Variants in KIAA1217 observed in about 807,000 individuals in gnomAD.
The protein encoded by KIAA1217 is KIAA1217.
Under a neutral mutation model 163.9 loss-of-function variants are expected in KIAA1217, and 88 were observed. The ratio of observed to expected loss-of-function variants is 0.54; its 90% CI spans 0.45 to 0.64. KIAA1217 has a LOEUF of 0.64. Ranked by LOEUF, KIAA1217 falls within the 30% of genes least tolerant of loss-of-function variation. The pLI is 0.00. For missense variants in KIAA1217, 2,372 were observed against 2,475.0 expected (o/e 0.96, Z 0.88); for synonymous variants, 903 against 923.1 (o/e 0.98, Z 0.39).
intron 3 of KIAA1217, among the ~76,000 whole-genome samples, chr10:24,412,643 C>G (rs2057894279): frequency 6.6e-6 from 1 of 152,194 alleles, no homozygotes; most frequent in African/African-American, 2.4e-5. Flanking sequence ...ACCTCACTGG[C>G]TGGTCCTCCT....
At chr10:24,017,223 T>C (rs772309752) in intron 2 of KIAA1217, among the ~76,000 whole-genome samples, 4 of 151,896 alleles carry the variant, frequency 2.6e-5, no homozygotes, top group Non-Finnish European at 4.4e-5. Context: ...TGGCTAACTT[T>C]AACATTTTAC....
chr10:24,221,815 A>C (rs1208527116), intron 2 of KIAA1217, among the ~76,000 whole-genome samples: 2 of 152,208 alleles, frequency 1.3e-5, no homozygotes, highest in East Asian at 1.9e-4. Flanking sequence ...CTAGAGGATC[A>C]GTTGAGGCCA....
chr10:24,341,357 A>G (rs1448469601), intron 2 of KIAA1217, among the ~76,000 whole-genome samples: 5 of 152,124 alleles, frequency 3.3e-5, no homozygotes, highest in African/African-American at 1.2e-4. Flanking sequence ...TTGTCAAGCC[A>G]AGATGATTCT....
intron 1 of KIAA1217, among the ~76,000 whole-genome samples, chr10:23,935,792 A>G (rs988482915): frequency 6.6e-6 from 1 of 152,244 alleles, no homozygotes; most frequent in African/African-American, 2.4e-5. Flanking sequence ...TAAAATAATT[A>G]ATTTTTCTTT....
chr10:24,289,352 G>A (rs2078869772), intron 2 of KIAA1217, among the ~76,000 whole-genome samples: 1 of 152,118 alleles, frequency 6.6e-6, no homozygotes, highest in South Asian at 2.1e-4. Context: ...TATAAGATGT[G>A]TGGGCCCTAC....
chr10:24,017,986 A>G (rs1847563726), intron 2 of KIAA1217, among the ~76,000 whole-genome samples: 1 of 152,120 alleles, frequency 6.6e-6, no homozygotes, highest in Non-Finnish European at 1.5e-5. Context: ...ATCTCCAACC[A>G]CAACTCTACC....
chr10:23,823,477 C>A (rs1417157644), intron 1 of KIAA1217, among the ~76,000 whole-genome samples: 2 of 152,180 alleles, frequency 1.3e-5, no homozygotes, highest in Admixed American at 1.3e-4. Context: ...AGGTCTCCAC[C>A]TTTAAGGGCT....
intron 16 of KIAA1217, among the ~76,000 whole-genome samples, chr10:24,535,549 C>A (rs948489469): frequency 6.6e-6 from 1 of 152,158 alleles, no homozygotes; most frequent in African/African-American, 2.4e-5. Context: ...CTGAGGTGGG[C>A]AGATTGCTTG....
chr10:24,160,353 T>C (rs1000185689), intron 2 of KIAA1217, among the ~76,000 whole-genome samples: 3 of 152,208 alleles, frequency 2.0e-5, no homozygotes, highest in Non-Finnish European at 4.4e-5. Context: ...AACCTAAGAA[T>C]GTGGCATATA....
In KIAA1217 at chr10:24,501,475, T is replaced by C; in HGVS notation, c.1931T>C (p.Met644Thr). The change falls in exon 9 of 21, where the codon ATG becomes ACG. Residue 644 changes from methionine to threonine, a missense_variant. By Grantham distance (81) the Met-to-Thr change is moderately conservative. Around this residue, in one of 3 missense-constraint regions of KIAA1217, gnomAD observed 1,431 missense variants for 1,470.3 expected, o/e 0.97. Coordinates refer to ENST00000376454, the MANE Select transcript of KIAA1217 (RefSeq NM_019590.5). The stretch of plus-strand genomic sequence containing the variant: ...CCTGTGGGCACCTCAGCCATCCACA[T>C]GAGCCTGCTTGAGATGAGGCGGAGC... ...PPPVGTSAIH[M>T]SLLEMRRSVA... 1 of 1,614,022 alleles carries C rather than the reference T, an allele frequency of 6.2e-7. No homozygotes were observed. Among genetic ancestry groups the C allele is most frequent in the Non-Finnish European group, 8.5e-7 (1 of 1,179,962 alleles).
At chr10:24,296,188 T>C (rs1256656499) in intron 2 of KIAA1217, among the ~76,000 whole-genome samples, 1 of 152,112 alleles carries the variant, frequency 6.6e-6, no homozygotes, top group Non-Finnish European at 1.5e-5. Context: ...ACTGCAGCCT[T>C]GACCTCCTGG....
intron 1 of KIAA1217, among the ~76,000 whole-genome samples, chr10:23,797,831 T>C (rs1239549637): frequency 6.6e-6 from 1 of 152,162 alleles, no homozygotes; most frequent in Non-Finnish European, 1.5e-5. Context: ...AGCCAAACCA[T>C]ATTATTCCAT....
chr10:24,104,878 T>A (rs533364996), intron 2 of KIAA1217, among the ~76,000 whole-genome samples: 4 of 152,334 alleles, frequency 2.6e-5, no homozygotes, highest in African/African-American at 4.8e-5. Flanking sequence ...ATGAAGGATG[T>A]CTTCTAAAGT....
At chr10:23,893,163 T>C (rs976986953) in intron 1 of KIAA1217, among the ~76,000 whole-genome samples, 1 of 152,068 alleles carries the variant, frequency 6.6e-6, no homozygotes, top group Non-Finnish European at 1.5e-5. Flanking sequence ...TTGTCACAAT[T>C]TCAGAGCCTG....
intron 1 of KIAA1217, among the ~76,000 whole-genome samples, chr10:23,697,651 C>T (rs1281135913): frequency 6.6e-6 from 1 of 151,554 alleles, no homozygotes; most frequent in Non-Finnish European, 1.5e-5. Flanking sequence ...GGGCAGATCG[C>T]TTGAGCTCTG....
chr10:23,884,074 G>T (rs1841070150), intron 1 of KIAA1217, among the ~76,000 whole-genome samples: 1 of 151,918 alleles, frequency 6.6e-6, no homozygotes, highest in African/African-American at 2.4e-5. Context: ...ACACGTCTGT[G>T]TACAGATTTT....
intron 2 of KIAA1217, among the ~76,000 whole-genome samples, chr10:24,014,784 T>G (rs1407868812): frequency 6.6e-6 from 1 of 152,126 alleles, no homozygotes; most frequent in Admixed American, 6.6e-5. Flanking sequence ...ATGTACTATA[T>G]TTTTCTAGGA....
At chr10:24,499,038 G>C (rs2067177188) in intron 8 of KIAA1217, among the ~76,000 whole-genome samples, 1 of 152,180 alleles carries the variant, frequency 6.6e-6, no homozygotes, top group African/African-American at 2.4e-5. Flanking sequence ...GCAAACAGAA[G>C]GTAGCACAGT....
intron 1 of KIAA1217, among the ~76,000 whole-genome samples, chr10:23,908,246 A>G (rs949838525): frequency 2.6e-5 from 4 of 152,096 alleles, no homozygotes; most frequent in Admixed American, 6.6e-5. Context: ...ATCTGATGCT[A>G]AGGAATTTGG....
Sources: allele counts gnomAD v4.1 joint callset (sites outside exome capture counted in the v4.1 genomes callset), GRCh38; gene constraint gnomAD v4.1.1; regional missense constraint gnomAD v4.1.1; transcripts MANE v1.5; gene names NCBI Gene and HGNC (gene_info 2026-07-23, HGNC 2026-07-21).